Variants in PCDHGB4 observed in about 807,000 individuals in gnomAD.
PCDHGB4 encodes protocadherin gamma-B4.
PCDHGB4 carries 38 observed loss-of-function variants against 60.5 expected under a neutral mutation model. The ratio of observed to expected loss-of-function variants is 0.63; its 90% CI spans 0.48 to 0.82. The LOEUF (loss-of-function observed/expected upper bound fraction) is 0.82. PCDHGB4 is among the 40% of genes least tolerant of loss of function. PCDHGB4 has a pLI of 0.00. For missense variants in PCDHGB4, 1,109 were observed against 1,209.6 expected (o/e 0.92, Z 1.23); for synonymous variants, 456 against 509.7 (o/e 0.89, Z 1.42).
chr5:141,413,190 G>A (rs965319802), intron 1 of PCDHGB4: 11 of 1,607,556 alleles, frequency 6.8e-6, no homozygotes, highest in East Asian at 2.2e-5. Flanking sequence ...CCGCTCAAAG[G>A]AATCGCTCAA....
At chr5:141,427,984 C>A (rs754620535) in intron 1 of PCDHGB4, 6 of 1,597,376 alleles carry the variant, frequency 3.8e-6, no homozygotes, top group Non-Finnish European at 4.3e-6. Flanking sequence ...GCGCTGGGGC[C>A]CGATGGCTCC....
At chr5:141,478,417 C>G in intron 1 of PCDHGB4, 1 of 1,613,652 alleles carries the variant, frequency 6.2e-7, no homozygotes, top group Non-Finnish European at 8.5e-7. Context: ...CGGACTCCCG[C>G]CGCAGCGACC....
rs778744503 is a variant in PCDHGB4, at chr5:141,511,152, G to A, written c.2751G>A (p.Ser917=). Residue 917 remains serine (S), a synonymous_variant, in exon 4 of 4, where the codon TCG becomes TCA. Transcript: ENST00000519479. The part of the protein sequence containing the change: ...PAGGNGNKKK[S]GKKEKK ...GTGGCAATGGCAACAAGAAGAAGTCGGGCAAGAAGGAGAAGAAGTAACATG... is the reference window on the plus strand; with the variant it reads ...GTGGCAATGGCAACAAGAAGAAGTCAGGCAAGAAGGAGAAGAAGTAACATG... The A allele has an allele frequency of 2.0e-5, 32 of 1,614,022 alleles. No individual in the cohort carries two copies. Among genetic ancestry groups the A allele is most frequent in the South Asian group, 4.4e-5 (4 of 91,090 alleles).
intron 1 of PCDHGB4, chr5:141,395,547 TG>T (rs5871772): frequency 0.053 from 9,293 of 174,278 alleles, 481 homozygotes; most frequent in Middle Eastern, 0.08. Flanking sequence ...ATTGTTTGTG[TG>T]TGTGTGTGTG....
intron 1 of PCDHGB4, chr5:141,405,443 A>G (rs2154536495): frequency 7.2e-7 from 1 of 1,381,938 alleles, no homozygotes; most frequent in Non-Finnish European, 1.0e-6. Flanking sequence ...TTTTTGAGAC[A>G]GAGTCTTACT....
rs775416808 is a variant in PCDHGB4, at chr5:141,429,727, G to A, written c.2397+39446G>A. ...TAAATATTTACGCTCATGAAAGTAC[G>A]TAGCCAGTTATTTCTTAGGGAGAAT... On this transcript the variant is annotated intron_variant, in intron 1 of 3. Transcript: ENST00000519479. 7.2e-5 allele frequency among the ~76,000 whole-genome samples: 11 copies of A among 152,158 alleles called. 1 individual carries two copies. The highest frequency in any genetic ancestry group is 1.9e-4 in the East Asian group (1 of 5,188).
intron 1 of PCDHGB4, chr5:141,396,285 A>G (rs996354546): frequency 1.3e-5 from 2 of 152,164 alleles, no homozygotes; most frequent in African/African-American, 4.8e-5. Context: ...ATGCCACTGC[A>G]CTCCAGCCTA....
intron 1 of PCDHGB4, among the ~76,000 whole-genome samples, chr5:141,402,646 G>A (rs2094289569): frequency 6.6e-6 from 1 of 152,198 alleles, no homozygotes; most frequent in South Asian, 2.1e-4. Context: ...ATCATAATTA[G>A]AAGAGAGTAG....
intron 1 of PCDHGB4, among the ~76,000 whole-genome samples, chr5:141,482,530 C>CAAAAAAAAAAAAA (rs3074545): frequency 3.9e-5 from 3 of 76,560 alleles, no homozygotes; most frequent in African/African-American, 9.6e-5. Context: ...GACAGACATG[C>CAAAAAAAAAAAAA]AAAAAAAAAA....
rs35821115 is a variant in PCDHGB4, at chr5:141,460,961, ATGTG to A, written c.2398-33826_2398-33823del. 3.6e-3 allele frequency among the ~76,000 whole-genome samples: 519 copies of A among 144,600 alleles called. 3 individuals carry two copies. The highest frequency in any genetic ancestry group is 4.3e-3 in the African/African-American group (168 of 38,712). The allele number at this position is 144,600 out of a possible 152,430, so 94.9% of individuals were successfully genotyped here. A position where few individuals can be genotyped will look rare whatever the true frequency, so the allele number is the denominator to read the frequency against. ...ATATATATGTATTATGTATATATAT[ATGTG>A]TGTGTGTGTGTGTGTGTGTATATAT... On this transcript the variant is annotated intron_variant, in intron 1 of 3. Transcript: ENST00000519479.
intron 1 of PCDHGB4, among the ~76,000 whole-genome samples, chr5:141,436,884 G>T (rs1041906146): frequency 6.6e-6 from 1 of 152,190 alleles, no homozygotes; most frequent in Non-Finnish European, 1.5e-5. Context: ...AAAAGATGGG[G>T]GAAAGATTTT....
intron 1 of PCDHGB4, among the ~76,000 whole-genome samples, chr5:141,449,103 A>G (rs1033077737): frequency 2.0e-5 from 3 of 152,206 alleles, no homozygotes; most frequent in African/African-American, 7.2e-5. Context: ...CATATGCAGT[A>G]TATCTTTGGG....
intron 1 of PCDHGB4, among the ~76,000 whole-genome samples, chr5:141,449,616 G>A (rs1279953840): frequency 1.6e-4 from 24 of 146,738 alleles, no homozygotes; most frequent in Non-Finnish European, 2.3e-4. Flanking sequence ...AAGTAAAAAA[G>A]TTTTTTAAAA....
At chr5:141,495,923 T>G (rs1337381299) in intron 2 of PCDHGB4, among the ~76,000 whole-genome samples, 4 of 152,306 alleles carry the variant, frequency 2.6e-5, no homozygotes, top group South Asian at 2.1e-4. Context: ...TTTCTTTGTC[T>G]CTGTCTCTGG....
intron 1 of PCDHGB4, chr5:141,393,144 G>T (rs745405842): frequency 1.2e-6 from 2 of 1,613,316 alleles, no homozygotes; most frequent in Non-Finnish European, 1.7e-6. Flanking sequence ...CACCCTGGTT[G>T]AGGATAAAGG....
In PCDHGB4 at chr5:141,505,363, T is replaced by C. The variant is rs751635403; in HGVS notation, c.2457-30T>C. 1.6e-5 allele frequency: 26 copies of C among 1,613,242 alleles called. No individual in the cohort carries two copies. In the Middle Eastern group the frequency reaches 9.9e-4, roughly 61 times the overall value. On this transcript the variant is annotated intron_variant, in intron 2 of 3. Transcript: ENST00000519479. ...GGCATGAGCTGTGCCGGCCTGGGAG[T>C]CTGTGCTCACCATCCTACTCTCTCC... is the stretch of plus-strand genomic sequence containing the variant.
Position 141,432,951 on chromosome 5 carries a change from G to T in PCDHGB4, c.2397+42670G>T, listed in dbSNP as rs758046420. 1.2e-6 allele frequency: 2 copies of T among 1,614,178 alleles called. No individual in the cohort carries two copies. The highest frequency in any genetic ancestry group is 4.5e-5 in the East Asian group (2 of 44,858). On this transcript the variant is annotated intron_variant, in intron 1 of 3. Coordinates refer to ENST00000519479, the MANE Select transcript of PCDHGB4 (RefSeq NM_003736.4). This position sits in a 1 kb window ranked among gnomAD's most constrained non-coding sequence, Gnocchi z 6.0. ...CGCCTGCTGCAGGCTTCAGGAGGCGGCTTGACAGGAGCGCCGGCGTCGCAC... is the reference window on the plus strand; with the variant it reads ...CGCCTGCTGCAGGCTTCAGGAGGCGTCTTGACAGGAGCGCCGGCGTCGCAC...
chr5:141,406,288 G>A (rs72790038), intron 1 of PCDHGB4, among the ~76,000 whole-genome samples: 9,719 of 151,928 alleles, frequency 0.064, 366 homozygotes, highest in African/African-American at 0.1. Context: ...CCAAAGCACT[G>A]GGTGAGGTGT....
At chr5:141,460,177 T>C (rs1021646181) in intron 1 of PCDHGB4, among the ~76,000 whole-genome samples, 13 of 152,138 alleles carry the variant, frequency 8.5e-5, no homozygotes, top group African/African-American at 3.1e-4. Context: ...TTGTGGATAT[T>C]TTATCCCAGA....
Sources: gnomAD v4.1 joint callset for allele counts (sites outside exome capture counted in the v4.1 genomes callset) on GRCh38, gnomAD v4.1.1 for gene constraint, Gnocchi (gnomAD v3.1) non-coding constraint, MANE v1.5 for transcripts, NCBI Gene and HGNC (gene_info 2026-07-23, HGNC 2026-07-21) for gene names.